Variants in BMP6 observed in about 807,000 individuals in gnomAD.
BMP6 encodes the protein bone morphogenetic protein 6, also known as VG-1-R.
In BMP6, 17 loss-of-function variants were observed where a neutral mutation model predicts 54.1. The ratio of observed to expected loss-of-function variants is 0.31; its 90% CI spans 0.22 to 0.47. The LOEUF (loss-of-function observed/expected upper bound fraction) is 0.47, where lower values mean the gene tolerates loss of function less well. Ranked by LOEUF, BMP6 falls within the 20% of genes least tolerant of loss-of-function variation. The pLI is 1.00. For missense variants in BMP6, 720 were observed against 690.4 expected (o/e 1.04, Z -0.48); for synonymous variants, 328 against 291.2 (o/e 1.13, Z -1.28).
chr6:7,731,150 G>A (rs915374108), intron 1 of BMP6, among the ~76,000 whole-genome samples: 3 of 152,156 alleles, frequency 2.0e-5, no homozygotes, highest in Admixed American at 2.0e-4. Context: ...AATGCTAACC[G>A]TCTGCTGCCT....
chr6:7,814,193 A>G (rs1758488833), intron 1 of BMP6, among the ~76,000 whole-genome samples: 1 of 152,208 alleles, frequency 6.6e-6, no homozygotes, highest in South Asian at 2.1e-4. Context: ...AGATTCAATT[A>G]GGCCCACATG....
chr6:7,866,312 T>C (rs1426551342), intron 4 of BMP6, among the ~76,000 whole-genome samples: 1 of 152,248 alleles, frequency 6.6e-6, no homozygotes, highest in African/African-American at 2.4e-5. Context: ...AATCTACCAA[T>C]TCTTTTTCAG....
chr6:7,754,749 G>A (rs994799347), intron 1 of BMP6, among the ~76,000 whole-genome samples: 4 of 152,006 alleles, frequency 2.6e-5, no homozygotes, highest in East Asian at 3.9e-4. Context: ...ACAGAGTCTC[G>A]CTCTATTGCC....
intron 1 of BMP6, among the ~76,000 whole-genome samples, chr6:7,819,416 G>A (rs941217778): frequency 2.0e-5 from 3 of 152,148 alleles, no homozygotes; most frequent in Non-Finnish European, 4.4e-5. Flanking sequence ...ATGTGCTAAT[G>A]TTTTAGGGAT....
chr6:7,764,784 C>G (rs1757661223), intron 1 of BMP6, among the ~76,000 whole-genome samples: 1 of 152,158 alleles, frequency 6.6e-6, no homozygotes, highest in African/African-American at 2.4e-5. Flanking sequence ...TCCGGCTGCC[C>G]TTCACATTTT....
chr6:7,869,157 G>A (rs868783698), intron 4 of BMP6, among the ~76,000 whole-genome samples: 30 of 152,314 alleles, frequency 2.0e-4, no homozygotes, highest in Non-Finnish European at 2.1e-4. Flanking sequence ...CTCCAGCCCC[G>A]CGGTGCAGCC....
At chr6:7,740,204 G>A (rs1581227922) in intron 1 of BMP6, among the ~76,000 whole-genome samples, 2 of 152,114 alleles carry the variant, frequency 1.3e-5, no homozygotes, top group African/African-American at 4.8e-5. Context: ...GTTGGGTTCA[G>A]AAAGTCAGAT....
chr6:7,771,685 G>A (rs529237180), intron 1 of BMP6, among the ~76,000 whole-genome samples: 1 of 68,252 alleles, frequency 1.5e-5, no homozygotes, highest in African/African-American at 3.4e-5. Context: ...GCATGGAGGG[G>A]TGTTACACAG....
chr6:7,750,297 A>G (rs534111503), intron 1 of BMP6, among the ~76,000 whole-genome samples: 1 of 152,312 alleles, frequency 6.6e-6, no homozygotes, highest in East Asian at 1.9e-4. Context: ...TGCTGTTCCA[A>G]AGGAGAGGCT....
chr6:7,785,522 A>G (rs1758007531), intron 1 of BMP6, among the ~76,000 whole-genome samples: 1 of 152,234 alleles, frequency 6.6e-6, no homozygotes, highest in Non-Finnish European at 1.5e-5. Flanking sequence ...CTTCACTGAC[A>G]TAGTAGGAGA....
chr6:7,746,201 G>T (rs115370479), intron 1 of BMP6, among the ~76,000 whole-genome samples: 294 of 152,326 alleles, frequency 1.9e-3, no homozygotes, highest in African/African-American at 6.3e-3. Flanking sequence ...GGCTACTGGT[G>T]CTGGCACAGT....
intron 1 of BMP6, among the ~76,000 whole-genome samples, chr6:7,771,031 A>G (rs930305047): frequency 1.3e-5 from 2 of 152,232 alleles, no homozygotes; most frequent in African/African-American, 4.8e-5. Flanking sequence ...TGGAAATTCA[A>G]GACTGGGTAT....
intron 2 of BMP6, 34 bp from the exon 3 acceptor site, chr6:7,861,417 C>T (rs540750720): frequency 2.1e-5 from 34 of 1,610,162 alleles, no homozygotes; most frequent in South Asian, 1.1e-4. Context: ...TCAGGCAGTG[C>T]GCTATTTACC....
intron 1 of BMP6, among the ~76,000 whole-genome samples, chr6:7,840,841 C>T (rs536269211): frequency 2.0e-5 from 3 of 152,210 alleles, no homozygotes; most frequent in South Asian, 4.2e-4. Context: ...AACACAGCGC[C>T]GCATTCAGGA....
At chr6:7,816,176 T>C (rs374083003) in intron 1 of BMP6, among the ~76,000 whole-genome samples, 8 of 152,250 alleles carry the variant, frequency 5.3e-5, no homozygotes, top group African/African-American at 1.9e-4. Flanking sequence ...ACTTACACCA[T>C]TGTTCAGCAT....
intron 4 of BMP6, among the ~76,000 whole-genome samples, chr6:7,868,743 G>A (rs949199011): frequency 1.3e-5 from 2 of 152,214 alleles, no homozygotes; most frequent in African/African-American, 4.8e-5. Context: ...TATTTTCTTG[G>A]CTCTGTGTGA....
At chr6:7,855,769 T>G (rs908504054) in intron 2 of BMP6, among the ~76,000 whole-genome samples, 13 of 151,948 alleles carry the variant, frequency 8.6e-5, no homozygotes, top group African/African-American at 3.1e-4. Flanking sequence ...GCTCAAGTGA[T>G]CTACCTGCCT....
chr6:7,813,304 G>A (rs1188780213), intron 1 of BMP6, among the ~76,000 whole-genome samples: 2 of 144,416 alleles, frequency 1.4e-5, no homozygotes, highest in African/African-American at 2.5e-5. Flanking sequence ...GAATGACATG[G>A]GTTTTAAGTA....
At chr6:7,775,736 C>A (rs114343473) in intron 1 of BMP6, among the ~76,000 whole-genome samples, 1 of 152,120 alleles carries the variant, frequency 6.6e-6, no homozygotes, top group Non-Finnish European at 1.5e-5. Flanking sequence ...TTCTTCCAGG[C>A]GTCTGGGGTC....
Sources: allele counts gnomAD v4.1 joint callset (sites outside exome capture counted in the v4.1 genomes callset), GRCh38; gene constraint gnomAD v4.1.1; transcripts MANE v1.5; gene names NCBI Gene and HGNC (gene_info 2026-07-23, HGNC 2026-07-21).